Variants in DIAPH2 observed in about 807,000 individuals in gnomAD.
DIAPH2 encodes the protein diaphanous related formin 2.
In DIAPH2, 35 loss-of-function variants were observed where a neutral mutation model predicts 92.7. The ratio of observed to expected loss-of-function variants is 0.38; its 90% CI spans 0.29 to 0.50. The LOEUF (loss-of-function observed/expected upper bound fraction) is 0.50, where lower values mean the gene tolerates loss of function less well. Ranked by LOEUF, DIAPH2 falls within the 20% of genes least tolerant of loss-of-function variation. The pLI is 0.94. For missense variants in DIAPH2, 701 were observed against 819.5 expected (o/e 0.86, Z 1.77); for synonymous variants, 301 against 280.4 (o/e 1.07, Z -0.73).
intron 22 of DIAPH2, among the ~76,000 whole-genome samples, chrX:97,152,098 C>G (rs1221650497): frequency 9.0e-6 from 1 of 111,702 alleles, no homozygotes; most frequent in Non-Finnish European, 1.9e-5. Flanking sequence ...TTCATCACCA[C>G]CAGTCCCTCT....
chrX:96,715,466 CT>C (rs2063944145), intron 1 of DIAPH2, among the ~76,000 whole-genome samples: 1 of 111,232 alleles, frequency 9.0e-6, no homozygotes, highest in African/African-American at 3.3e-5. Context: ...AGTCAAATGT[CT>C]TTGAAAGTCA....
chrX:96,870,642 C>A (rs1293607674), intron 4 of DIAPH2, among the ~76,000 whole-genome samples: 1 of 110,419 alleles, frequency 9.1e-6, no homozygotes, highest in African/African-American at 3.3e-5. Context: ...TTTTCCTATC[C>A]TTTGGCCATT....
intron 5 of DIAPH2, among the ~76,000 whole-genome samples, chrX:96,894,077 T>C (rs1036320146): frequency 1.3e-4 from 11 of 87,748 alleles, no homozygotes; most frequent in Admixed American, 1.0e-3. Context: ...TAAAACATCT[T>C]CAAATGAGAC....
At chrX:97,296,589 G>A (rs769510073) in intron 23 of DIAPH2, among the ~76,000 whole-genome samples, 5 of 111,276 alleles carry the variant, frequency 4.5e-5, no homozygotes, top group Non-Finnish European at 1.9e-5. Flanking sequence ...TGTCATTGGC[G>A]TGATTGTGAT....
chrX:96,965,245 G>A, intron 17 of DIAPH2, 38 bp downstream of exon 17: 2 of 1,038,838 alleles, frequency 1.9e-6, no homozygotes, highest in Non-Finnish European at 2.5e-6. Flanking sequence ...TCCCGATTCA[G>A]GTACAATTTA....
At chrX:96,686,063 A>AT (rs1458673385) in intron 1 of DIAPH2, among the ~76,000 whole-genome samples, 1 of 111,744 alleles carries the variant, frequency 8.9e-6, no homozygotes, top group Non-Finnish European at 1.9e-5. Flanking sequence ...AAACTTTCTA[A>AT]TTTGGGTGGT....
At chrX:97,484,293 G>A (rs1315103961) in intron 26 of DIAPH2, among the ~76,000 whole-genome samples, 1 of 111,460 alleles carries the variant, frequency 9.0e-6, no homozygotes, top group Non-Finnish European at 1.9e-5. Context: ...ACCATTACTA[G>A]TTGTGTAAAC....
At chrX:97,029,867 G>A (rs2066361685) in intron 17 of DIAPH2, among the ~76,000 whole-genome samples, 2 of 111,111 alleles carry the variant, frequency 1.8e-5, no homozygotes, top group African/African-American at 6.5e-5. Context: ...TTTGAAATTG[G>A]CAGGTGTGTG....
intron 23 of DIAPH2, among the ~76,000 whole-genome samples, chrX:97,273,985 T>G (rs1302939575): frequency 9.4e-6 from 1 of 105,843 alleles, no homozygotes; most frequent in Non-Finnish European, 1.9e-5. Context: ...TGTTGAAACT[T>G]TAACAGCAAA....
At chrX:96,925,765 C>A (rs1157374151) in intron 9 of DIAPH2, among the ~76,000 whole-genome samples, 1 of 111,697 alleles carries the variant, frequency 9.0e-6, no homozygotes, top group Non-Finnish European at 1.9e-5. Context: ...CTTTCTCTTT[C>A]GCCTCATATT....
chrX:96,825,350 TTTTC>T (rs1293922870), intron 4 of DIAPH2, among the ~76,000 whole-genome samples: 2 of 98,880 alleles, frequency 2.0e-5, no homozygotes, highest in Non-Finnish European at 4.1e-5. Flanking sequence ...ACTACATGTG[TTTTC>T]TTTTTTTTTT....
At chrX:97,120,536 C>G (rs1325706486) in intron 21 of DIAPH2, among the ~76,000 whole-genome samples, 1 of 108,260 alleles carries the variant, frequency 9.2e-6, no homozygotes, top group African/African-American at 3.4e-5. Context: ...GAGCTGCAAT[C>G]TAGTCCTGCT....
At chrX:97,079,054 C>T (rs1184516189) in intron 19 of DIAPH2, among the ~76,000 whole-genome samples, 1 of 111,319 alleles carries the variant, frequency 9.0e-6, no homozygotes, top group Non-Finnish European at 1.9e-5. Flanking sequence ...CTCTACCTCT[C>T]ACTTTCTCTC....
chrX:96,711,935 A>C lies in DIAPH2; in HGVS notation c.133-23823A>C, dbSNP rs758479181. 2.7e-5 allele frequency among the ~76,000 whole-genome samples: 3 copies of C among 111,209 alleles called. No individual in the cohort carries two copies. The South Asian group carries it at 1.1e-3, about 42-fold the overall frequency. ...TCTGTGGTAAAAAATAAATTTAAAAACCCCTGAACTTCTAAATGGGTGATA... is the reference window on the plus strand; with the variant it reads ...TCTGTGGTAAAAAATAAATTTAAAACCCCCTGAACTTCTAAATGGGTGATA... On this transcript the variant is annotated intron_variant, in intron 1 of 26. Coordinates refer to ENST00000324765, the MANE Select transcript of DIAPH2 (RefSeq NM_006729.5).
At chrX:97,195,820 TAA>T (rs776578611) in intron 22 of DIAPH2, among the ~76,000 whole-genome samples, 3 of 100,433 alleles carry the variant, frequency 3.0e-5, no homozygotes, top group Non-Finnish European at 4.1e-5. Context: ...ATTATGTTGT[TAA>T]AAAAAAAAAA....
chrX:96,836,885 G>A (rs912727782), intron 4 of DIAPH2, among the ~76,000 whole-genome samples: 3 of 99,119 alleles, frequency 3.0e-5, no homozygotes, highest in Non-Finnish European at 6.1e-5. Flanking sequence ...CCGCTACCAC[G>A]CCCGGCTAAT....
In DIAPH2 at chrX:97,523,816, T is replaced by G. The variant is rs555048390; in HGVS notation, c.3242-75437T>G. Among the ~76,000 whole-genome samples the G allele has an allele frequency of 8.0e-5, 9 of 112,153 alleles. 1 individual carries two copies. The highest frequency in any genetic ancestry group is 4.6e-3 in the Middle Eastern group (1 of 219). ...ACTTAAAACTGTTGTAAGCTATTGA[T>G]AATATAATTTTCCCCAAATTATTTG... On this transcript the variant is annotated intron_variant, in intron 26 of 26. Coordinates refer to ENST00000324765, the MANE Select transcript of DIAPH2 (RefSeq NM_006729.5).
chrX:96,956,693 T>G (rs930758484), intron 15 of DIAPH2, among the ~76,000 whole-genome samples: 1 of 111,835 alleles, frequency 8.9e-6, no homozygotes, highest in Non-Finnish European at 1.9e-5. Context: ...TGACCTTTAT[T>G]CCAGTTCCCA....
In DIAPH2 at chrX:96,957,989, A is replaced by G. The variant is rs773914991; in HGVS notation, c.1776A>G (p.Pro592=). ...TACCTGGAATGATGGGGATACCACC[A>G]CCACCCCCACCACCACTTTTATTTG... ...PPLPGMMGIP[P]PPPPPLLFGG... Residue 592 remains proline (P), a synonymous_variant, in exon 16 of 27, where the codon CCA becomes CCG. Coordinates refer to ENST00000324765, the MANE Select transcript of DIAPH2 (RefSeq NM_006729.5). 8.3e-7 allele frequency: 1 copy of G among 1,207,946 alleles called. No homozygotes were observed. Among genetic ancestry groups the G allele is most frequent in the Non-Finnish European group, 1.1e-6 (1 of 893,613 alleles).
Sources: gnomAD v4.1 joint callset for allele counts (sites outside exome capture counted in the v4.1 genomes callset) on GRCh38, gnomAD v4.1.1 for gene constraint, MANE v1.5 for transcripts, NCBI Gene and HGNC (gene_info 2026-07-23, HGNC 2026-07-21) for gene names.